The following MICU1 variants were observed in gnomAD, a reference collection of about 807,000 sequenced individuals.
MICU1 encodes mitochondrial calcium uptake 1.
A neutral mutation model predicts 56.8 loss-of-function variants in MICU1; 45 were observed. That is an observed-to-expected ratio of 0.79 (90% CI 0.62 to 1.02). The LOEUF is 1.02. Ranked by LOEUF, MICU1 falls within the 50% of genes least tolerant of loss-of-function variation. The pLI is 0.00. For synonymous variants in MICU1, 186 were observed against 195.1 expected, an observed-to-expected ratio of 0.95 and a Z score of 0.39; for missense variants, 504 against 587.1, an observed-to-expected ratio of 0.86 and a Z score of 1.46.
intron 10 of MICU1, among the ~76,000 whole-genome samples, chr10:72,392,310 C>A (rs1343999246): frequency 6.6e-6 from 1 of 152,074 alleles, no homozygotes; most frequent in African/African-American, 2.4e-5. Flanking sequence ...GTGGCTCATG[C>A]CTGTAATCCT....
intron 4 of MICU1, among the ~76,000 whole-genome samples, chr10:72,550,156 A>G (rs908608650): frequency 3.3e-5 from 5 of 152,316 alleles, no homozygotes; most frequent in East Asian, 3.9e-4. Context: ...TAGTCTAAGT[A>G]TACAACGTTT....
intron 4 of MICU1, among the ~76,000 whole-genome samples, chr10:72,543,463 C>G (rs567376469): frequency 1.3e-5 from 2 of 152,212 alleles, no homozygotes; most frequent in African/African-American, 4.8e-5. Flanking sequence ...CACGTGAGCC[C>G]AGGAGTTCCA....
chr10:72,451,521 T>A (rs540108847), intron 8 of MICU1, among the ~76,000 whole-genome samples: 1 of 152,288 alleles, frequency 6.6e-6, no homozygotes, highest in South Asian at 2.1e-4. Flanking sequence ...AAGAACTAGA[T>A]GTAACACAGA....
chr10:72,557,112 T>G (rs1009803823), intron 3 of MICU1, among the ~76,000 whole-genome samples: 12 of 152,120 alleles, frequency 7.9e-5, no homozygotes, highest in Non-Finnish European at 1.2e-4. Context: ...ATTCTTGGCC[T>G]TTCTTTTAAA....
At chr10:72,542,913 G>A (rs1034454363) in intron 4 of MICU1, among the ~76,000 whole-genome samples, 7 of 152,204 alleles carry the variant, frequency 4.6e-5, no homozygotes, top group Middle Eastern at 3.2e-3. Context: ...GGGATGGGAT[G>A]GGCAGGTAAT....
intron 8 of MICU1, among the ~76,000 whole-genome samples, chr10:72,435,747 T>C (rs1285159693): frequency 2.6e-5 from 4 of 152,252 alleles, no homozygotes; most frequent in Non-Finnish European, 2.9e-5. Flanking sequence ...CTCCGGTGCC[T>C]GGCTCAGCAT....
intron 4 of MICU1, among the ~76,000 whole-genome samples, chr10:72,540,495 G>A (rs1201273460): frequency 1.3e-5 from 2 of 151,926 alleles, no homozygotes; most frequent in Non-Finnish European, 2.9e-5. Flanking sequence ...GAAACACAGT[G>A]AGACACTTGT....
chr10:72,598,696 T>C (rs1448074217), intron 1 of MICU1, among the ~76,000 whole-genome samples: 1 of 152,178 alleles, frequency 6.6e-6, no homozygotes, highest in Non-Finnish European at 1.5e-5. Flanking sequence ...AATGGTTATG[T>C]GAAAAGGTCC....
intron 9 of MICU1, among the ~76,000 whole-genome samples, chr10:72,409,844 T>C (rs1863749944): frequency 6.6e-6 from 1 of 152,144 alleles, no homozygotes; most frequent in African/African-American, 2.4e-5. Flanking sequence ...CTTATCAAAC[T>C]CTTGCAAAGT....
chr10:72,616,902 T>A (rs1841996126), intron 1 of MICU1, among the ~76,000 whole-genome samples: 1 of 152,216 alleles, frequency 6.6e-6, no homozygotes, highest in South Asian at 2.1e-4. Context: ...GGGAAACTAT[T>A]GTGCTCTGTC....
chr10:72,541,089 G>C (rs969165662), intron 4 of MICU1, among the ~76,000 whole-genome samples: 4 of 152,210 alleles, frequency 2.6e-5, no homozygotes, highest in Admixed American at 6.5e-5. Context: ...AGAAAGAGAA[G>C]TCTAGCATGG....
At chr10:72,605,506 T>C (rs1171788737) in intron 1 of MICU1, among the ~76,000 whole-genome samples, 2 of 152,246 alleles carry the variant, frequency 1.3e-5, no homozygotes, top group Non-Finnish European at 2.9e-5. Context: ...ATGCTTGCTC[T>C]TGAATTCTTT....
At chr10:72,600,287 C>T (rs1362050247) in intron 1 of MICU1, among the ~76,000 whole-genome samples, 1 of 82,628 alleles carries the variant, frequency 1.2e-5, no homozygotes, top group African/African-American at 5.7e-5. Context: ...AGTGAAACTC[C>T]ATCTCAAAAA....
chr10:72,573,307 C>CAAAAA (rs58866778), intron 1 of MICU1, among the ~76,000 whole-genome samples: 46 of 21,008 alleles, frequency 2.2e-3, no homozygotes, highest in African/African-American at 3.3e-3. Flanking sequence ...CCCATCACTA[C>CAAAAA]AAAAAAAAAA....
intron 1 of MICU1, among the ~76,000 whole-genome samples, chr10:72,607,854 G>T (rs1841734890): frequency 1.3e-5 from 2 of 151,844 alleles, no homozygotes; most frequent in African/African-American, 4.8e-5. Context: ...TTAACCTGTG[G>T]GGGGGGTCTA....
intron 10 of MICU1, among the ~76,000 whole-genome samples, chr10:72,399,469 T>TA (rs1554861455): frequency 3.3e-5 from 5 of 151,670 alleles, no homozygotes; most frequent in African/African-American, 7.3e-5. Flanking sequence ...AATAAATAAA[T>TA]AAATAAAATA....
intron 8 of MICU1, among the ~76,000 whole-genome samples, chr10:72,460,922 G>A (rs947201790): frequency 3.9e-5 from 6 of 151,986 alleles, no homozygotes; most frequent in African/African-American, 1.4e-4. Flanking sequence ...ATGTCCCTAA[G>A]TTCCAAAAAC....
chr10:72,461,305 T>C (rs1332570298), intron 8 of MICU1, among the ~76,000 whole-genome samples: 1 of 152,190 alleles, frequency 6.6e-6, no homozygotes, highest in Non-Finnish European at 1.5e-5. Context: ...TAATGCCTCT[T>C]CTTGGGTATT....
chr10:72,444,172 T>C (rs558145084), intron 8 of MICU1, among the ~76,000 whole-genome samples: 1 of 138,766 alleles, frequency 7.2e-6, no homozygotes, highest in African/African-American at 2.7e-5. Flanking sequence ...AATTGAACAA[T>C]GAGAACACAT....
Sources: gnomAD v4.1 joint callset for allele counts (sites outside exome capture counted in the v4.1 genomes callset) on GRCh38, gnomAD v4.1.1 for gene constraint, MANE v1.5 for transcripts, NCBI Gene and HGNC (gene_info 2026-07-23, HGNC 2026-07-21) for gene names.